Variants in CLIP1 observed in about 807,000 individuals in gnomAD.
CLIP1 encodes CAP-Gly domain containing linker protein 1.
A neutral mutation model predicts 161.6 loss-of-function variants in CLIP1; 66 were observed. The observed-to-expected ratio is 0.41, with a 90% CI of 0.33 to 0.50. CLIP1 has a LOEUF of 0.50. Ranked by LOEUF, CLIP1 falls within the 20% of genes least tolerant of loss-of-function variation. The pLI, the probability that CLIP1 is intolerant of heterozygous loss-of-function variation, is 0.27. For missense variants in CLIP1, 1,376 were observed against 1,702.0 expected (o/e 0.81, Z 3.37); for synonymous variants, 598 against 626.2 (o/e 0.96, Z 0.67).
intron 20 of CLIP1, among the ~76,000 whole-genome samples, chr12:122,290,527 T>G (rs1373126211): frequency 6.6e-6 from 1 of 152,126 alleles, no homozygotes; most frequent in Non-Finnish European, 1.5e-5. Flanking sequence ...GTTTTAGTTT[T>G]ATAATTTAAA....
chr12:122,419,623 C>A (rs899415507), intron 1 of CLIP1, among the ~76,000 whole-genome samples: 2 of 151,830 alleles, frequency 1.3e-5, no homozygotes, highest in African/African-American at 4.8e-5. Context: ...GCTTTCGAAT[C>A]CCAGCAGACA....
intron 20 of CLIP1, among the ~76,000 whole-genome samples, chr12:122,304,384 G>A (rs1302708342): frequency 2.0e-5 from 3 of 151,972 alleles, no homozygotes; most frequent in Non-Finnish European, 4.4e-5. Flanking sequence ...TTTTTGAGAC[G>A]GAGTCTTGCT....
Position 122,378,013 on chromosome 12 carries a change from C to G in CLIP1, c.86-53G>C, listed in dbSNP as rs55834409. 0.23 allele frequency: 345,994 copies of G among 1,477,788 alleles called. 42,028 individuals carry two copies. The highest frequency in any genetic ancestry group is 0.29 in the Admixed American group (13,603 of 46,820). The allele number at this position is 1,477,788 out of a possible 1,614,324, so 91.5% of individuals were successfully genotyped here. On this transcript the variant is annotated intron_variant, in intron 2 of 25. Coordinates refer to ENST00000620786, the MANE Select transcript of CLIP1 (RefSeq NM_001247997.2). ...GATTTAATTTTCAAGCAGACAACCTCTAACTTAAAGAAAAACTAGAGAAAG... is the reference window on the plus strand; with the variant it reads ...GATTTAATTTTCAAGCAGACAACCTGTAACTTAAAGAAAAACTAGAGAAAG...
At chr12:122,346,957 AG>A in intron 10 of CLIP1, among the ~76,000 whole-genome samples, 1 of 152,374 alleles carries the variant, frequency 6.6e-6, no homozygotes. Flanking sequence ...GGAAGAAGGC[AG>A]GAAGAGAGCT....
At position 122,341,064 on chromosome 12, in the gene CLIP1, T is replaced by G. The variant is rs995059413; in HGVS notation, c.2140A>C (p.Arg714=). 57 of 1,614,016 alleles carry G rather than the reference T, an allele frequency of 3.5e-5. No individual in the cohort carries two copies. Among genetic ancestry groups the G allele is most frequent in the Non-Finnish European group, 4.7e-5 (55 of 1,180,042 alleles). Residue 714 remains arginine (R), a synonymous_variant, in exon 11 of 26, where the codon AGG becomes CGG. Transcript: ENST00000620786. ...KEKENSLEAI[R]SKLDKAEDQH... ...TCTTCTGCTTTGTCCAGTTTCGACC[T>G]GATGGCTTCCAGACTGTTTTCCTTT... is the stretch of plus-strand genomic sequence containing the variant.
chr12:122,292,660 G>A (rs1205170191), intron 20 of CLIP1, among the ~76,000 whole-genome samples: 2 of 152,088 alleles, frequency 1.3e-5, no homozygotes, highest in Non-Finnish European at 2.9e-5. Context: ...CCCTGTCAGT[G>A]GAGTTGACCA....
At chr12:122,419,248 T>C (rs936656454) in intron 1 of CLIP1, among the ~76,000 whole-genome samples, 1 of 151,834 alleles carries the variant, frequency 6.6e-6, no homozygotes, top group African/African-American at 2.4e-5. Flanking sequence ...CAGATTCCTG[T>C]TGTCCCAGCT....
rs1956629571 is a variant in CLIP1, at chr12:122,413,765, A to C, written c.-107+8756T>G. On this transcript the variant is annotated intron_variant, in intron 1 of 25. Transcript: ENST00000620786. ...TGAGAGATTTTGAAAGCATACTTTT[A>C]AGATTTTGTTGCTGAACCACAATAA... 2.0e-5 allele frequency among the ~76,000 whole-genome samples: 3 copies of C among 152,252 alleles called. No homozygotes were observed. The South Asian group carries it at 6.2e-4, about 32-fold the overall frequency.
At chr12:122,401,055 G>A (rs1956125626) in intron 1 of CLIP1, among the ~76,000 whole-genome samples, 1 of 152,056 alleles carries the variant, frequency 6.6e-6, no homozygotes, top group Non-Finnish European at 1.5e-5. Flanking sequence ...GGGATTACAG[G>A]CACGTGCCAC....
intron 1 of CLIP1, chr12:122,400,648 TCA>T (rs1462058063): frequency 6.6e-6 from 1 of 152,218 alleles, no homozygotes; most frequent in Non-Finnish European, 1.5e-5. Flanking sequence ...GAATGATGAC[TCA>T]CACGCATTCC....
chr12:122,319,616 G>A lies in CLIP1; in HGVS notation c.3250-268C>T, dbSNP rs889038224. ...TGCATGTAAACATACATCTTCCAGT[G>A]AAAGTTCCAAATGACACTGGCAAGC... On this transcript the variant is annotated intron_variant, in intron 17 of 25. Coordinates refer to ENST00000620786, the MANE Select transcript of CLIP1 (RefSeq NM_001247997.2). 3.9e-5 allele frequency among the ~76,000 whole-genome samples: 6 copies of A among 152,238 alleles called. No individual in the cohort carries two copies. The East Asian group carries it at 1.2e-3, about 29-fold the overall frequency.
At chr12:122,278,272 T>C in intron 23 of CLIP1, 69 bp from the exon 24 acceptor site, 1 of 1,388,688 alleles carries the variant, frequency 7.2e-7, no homozygotes, top group South Asian at 1.2e-5. Context: ...AATCACAATC[T>C]AAACTGCAGT....
At chr12:122,291,440 A>G (rs531393742) in intron 20 of CLIP1, among the ~76,000 whole-genome samples, 1 of 152,148 alleles carries the variant, frequency 6.6e-6, no homozygotes, top group African/African-American at 2.4e-5. Context: ...TCCACCCGCC[A>G]TGGCATCCCA....
chr12:122,399,883 G>A (rs1290171602), intron 1 of CLIP1: 1 of 152,204 alleles, frequency 6.6e-6, no homozygotes, highest in African/African-American at 2.4e-5. Flanking sequence ...GACGTTCTGA[G>A]AGCAACGGAA....
intron 3 of CLIP1, among the ~76,000 whole-genome samples, chr12:122,366,485 A>T (rs1188630276): frequency 3.9e-5 from 6 of 152,050 alleles, no homozygotes; most frequent in Non-Finnish European, 7.4e-5. Context: ...GTTTCAAAAA[A>T]TAATAATTGA....
At chr12:122,382,837 A>T (rs982448980) in intron 1 of CLIP1, among the ~76,000 whole-genome samples, 3 of 152,170 alleles carry the variant, frequency 2.0e-5, no homozygotes, top group African/African-American at 7.2e-5. Flanking sequence ...CAAGCTCCTC[A>T]CCGCCATTAC....
chr12:122,402,455 G>A (rs558911239), intron 1 of CLIP1, among the ~76,000 whole-genome samples: 5 of 152,208 alleles, frequency 3.3e-5, no homozygotes, highest in African/African-American at 7.2e-5. Context: ...TCATGGCACT[G>A]CACTCCAGCC....
chr12:122,276,437 A>T (rs752449170), intron 24 of CLIP1: 1 of 1,283,566 alleles, frequency 7.8e-7, no homozygotes, highest in East Asian at 5.6e-5. Context: ...CATGAAACGA[A>T]CCATTTGCTG....
intron 1 of CLIP1, among the ~76,000 whole-genome samples, chr12:122,403,462 T>G (rs1956206193): frequency 6.7e-6 from 1 of 150,300 alleles, no homozygotes; most frequent in African/African-American, 2.4e-5. Flanking sequence ...GCTGGAGATT[T>G]AAGGCCAATA....
Sources: gnomAD v4.1 joint callset for allele counts (sites outside exome capture counted in the v4.1 genomes callset) on GRCh38, gnomAD v4.1.1 for gene constraint, MANE v1.5 for transcripts, NCBI Gene and HGNC (gene_info 2026-07-23, HGNC 2026-07-21) for gene names.